The following SLC25A48 variants were observed in gnomAD, a reference collection of about 807,000 sequenced individuals.
SLC25A48 encodes CTC-321K16.1.
Under a neutral mutation model 32.2 loss-of-function variants are expected in SLC25A48, and 29 were observed. The ratio of observed to expected loss-of-function variants is 0.90; its 90% CI spans 0.67 to 1.23. SLC25A48 has a LOEUF of 1.23. SLC25A48 is among the 50% of genes most tolerant of loss of function. The probability of loss-of-function intolerance (pLI) is 0.00; values close to 1 mark genes in which losing one functional copy is unlikely to be tolerated. For synonymous variants in SLC25A48, 164 were observed against 172.3 expected, an observed-to-expected ratio of 0.95 and a Z score of 0.38; for missense variants, 399 against 422.7, an observed-to-expected ratio of 0.94 and a Z score of 0.49.
At chr5:135,773,488 A>C (rs1286566946) in intron 3 of SLC25A48, among the ~76,000 whole-genome samples, 1 of 148,418 alleles carries the variant, frequency 6.7e-6, no homozygotes. Context: ...CCAGAAAGGG[A>C]GAAAATTATA....
intron 3 of SLC25A48, among the ~76,000 whole-genome samples, chr5:135,666,219 A>G (rs1753522355): frequency 6.6e-6 from 1 of 152,174 alleles, no homozygotes; most frequent in Non-Finnish European, 1.5e-5. Context: ...TCCCATCCAC[A>G]AAGTGGGGGA....
chr5:135,587,810 G>A (rs1016057392), intron 1 of SLC25A48, among the ~76,000 whole-genome samples: 8 of 152,182 alleles, frequency 5.3e-5, no homozygotes, highest in African/African-American at 1.4e-4. Flanking sequence ...CCAAGAGTGC[G>A]GCCCAGATTT....
chr5:135,719,222 G>A (rs1315629566), intron 3 of SLC25A48, among the ~76,000 whole-genome samples: 9 of 152,094 alleles, frequency 5.9e-5, no homozygotes, highest in African/African-American at 1.2e-4. Flanking sequence ...AAGAGCCTGC[G>A]TTTACATTTT....
intron 3 of SLC25A48, among the ~76,000 whole-genome samples, chr5:135,851,453 G>T (rs1267530973): frequency 6.6e-6 from 1 of 152,230 alleles, no homozygotes; most frequent in Admixed American, 6.5e-5. Flanking sequence ...CAAGCTCTGG[G>T]GTTTTGGTGG....
At chr5:135,648,006 C>T (rs1265954937) in intron 3 of SLC25A48, among the ~76,000 whole-genome samples, 1 of 152,202 alleles carries the variant, frequency 6.6e-6, no homozygotes, top group African/African-American at 2.4e-5. Flanking sequence ...TTGCACTAGA[C>T]TCTTCCTCTC....
intron 3 of SLC25A48, among the ~76,000 whole-genome samples, chr5:135,746,626 T>C (rs1755648995): frequency 6.6e-6 from 1 of 152,202 alleles, no homozygotes; most frequent in Non-Finnish European, 1.5e-5. Flanking sequence ...TTTCAGGGAT[T>C]TCCTATCATA....
intron 3 of SLC25A48, among the ~76,000 whole-genome samples, chr5:135,778,042 T>C (rs547249243): frequency 0.012 from 1,860 of 151,846 alleles, 38 homozygotes; most frequent in African/African-American, 0.042. Context: ...CTGATATGTC[T>C]CAATATTGCA....
rs1580882901 is a variant in SLC25A48, at chr5:135,790,120, CTAT to C, written c.-520-22393_-520-22391del. On this transcript the variant is annotated intron_variant, in intron 3 of 10. Coordinates refer to the SLC25A48 transcript ENST00000646290. ...CTTTCTTGGATATGATGAATGATATCTATTATTATTATAATTATTAATTATTTT... is the reference window on the plus strand; with the variant it reads ...CTTTCTTGGATATGATGAATGATATCTATTATTATAATTATTAATTATTTT... Among the ~76,000 whole-genome samples, 5 of 151,390 alleles carry C rather than the reference CTAT, an allele frequency of 3.3e-5. No homozygotes were observed. In the East Asian group the frequency reaches 5.8e-4, roughly 18 times the overall value.
At chr5:135,586,981 C>T (rs1291804966) in intron 1 of SLC25A48, among the ~76,000 whole-genome samples, 1 of 152,090 alleles carries the variant, frequency 6.6e-6, no homozygotes, top group African/African-American at 2.4e-5. Flanking sequence ...CAAGAGAAAC[C>T]TTGGTTCAGG....
chr5:135,712,841 C>A lies in SLC25A48; in HGVS notation c.-521+77885C>A, dbSNP rs74845641. ...TTTACCTGTTCCCTTCTTCAGACTC[C>A]GTTTCCCTCCAGTGCCCCTGTGTCT... On this transcript the variant is annotated intron_variant, in intron 3 of 10. Transcript: ENST00000646290. Among the ~76,000 whole-genome samples the A allele has an allele frequency of 4.7e-4, 72 of 152,290 alleles. 1 individual carries two copies. In the East Asian group the frequency reaches 0.013, roughly 27 times the overall value.
At position 135,764,493 on chromosome 5, in the gene SLC25A48, C is replaced by T. The variant is rs868525119; in HGVS notation, c.-520-48030C>T. 4.6e-5 allele frequency among the ~76,000 whole-genome samples: 7 copies of T among 150,824 alleles called. No individual in the cohort carries two copies. In the South Asian group the frequency reaches 1.5e-3, roughly 32 times the overall value. ...CACTGTGATATGGTTCATGATTCTC[C>T]AGCAGGTGAGAGGGTGATATTACCC... On this transcript the variant is annotated intron_variant, in intron 3 of 10. Transcript: ENST00000646290.
intron 3 of SLC25A48, among the ~76,000 whole-genome samples, chr5:135,774,270 G>T (rs1036026611): frequency 6.6e-6 from 1 of 151,170 alleles, no homozygotes; most frequent in East Asian, 1.9e-4. Context: ...TCCTAATAAC[G>T]CCAGAGGTGT....
intron 3 of SLC25A48, among the ~76,000 whole-genome samples, chr5:135,774,547 G>A (rs752502206): frequency 5.9e-5 from 9 of 151,722 alleles, no homozygotes; most frequent in Non-Finnish European, 1.2e-4. Flanking sequence ...ATCCAGGGAG[G>A]GAGAGAATGA....
At chr5:135,698,828 A>G (rs1319953686) in intron 3 of SLC25A48, among the ~76,000 whole-genome samples, 1 of 152,252 alleles carries the variant, frequency 6.6e-6, no homozygotes, top group Non-Finnish European at 1.5e-5. Flanking sequence ...CAGAATATAT[A>G]TTTTAAAACT....
intron 3 of SLC25A48, among the ~76,000 whole-genome samples, chr5:135,743,692 A>T (rs1755564406): frequency 6.6e-6 from 1 of 152,236 alleles, no homozygotes; most frequent in Non-Finnish European, 1.5e-5. Context: ...CCCCATCAAC[A>T]GACAGCTGTT....
chr5:135,730,083 G>A (rs565100242), intron 3 of SLC25A48, among the ~76,000 whole-genome samples: 7 of 152,158 alleles, frequency 4.6e-5, no homozygotes, highest in East Asian at 1.9e-4. Context: ...GGCTCAGACC[G>A]AAGAGGTGAT....
At chr5:135,719,034 G>A (rs972542259) in intron 3 of SLC25A48, among the ~76,000 whole-genome samples, 6 of 152,156 alleles carry the variant, frequency 3.9e-5, no homozygotes, top group South Asian at 2.1e-4. Flanking sequence ...TCCTGGTTGT[G>A]ATTTTATACC....
intron 3 of SLC25A48, among the ~76,000 whole-genome samples, chr5:135,743,278 G>A (rs1375559107): frequency 2.0e-5 from 3 of 150,512 alleles, no homozygotes; most frequent in Non-Finnish European, 4.4e-5. Context: ...CTTTATGTTG[G>A]ACAGGCTAGT....
chr5:135,638,418 G>C (rs1404101684), intron 3 of SLC25A48, among the ~76,000 whole-genome samples: 6 of 152,018 alleles, frequency 3.9e-5, no homozygotes, highest in Non-Finnish European at 8.8e-5. Context: ...GGGGAGGGGA[G>C]GCAGCAGTTC....
Sources: allele counts gnomAD v4.1 joint callset (sites outside exome capture counted in the v4.1 genomes callset), GRCh38; gene constraint gnomAD v4.1.1; transcripts MANE v1.5; gene names NCBI Gene and HGNC (gene_info 2026-07-23, HGNC 2026-07-21).